The following RIGI variants were observed in gnomAD, a reference collection of about 807,000 sequenced individuals.
RIGI encodes RNA sensor RIG-I.
the RIGI span, among the ~76,000 whole-genome samples, chr9:32,513,870 A>G: frequency 3.9e-5 from 6 of 152,336 alleles, no homozygotes; most frequent in East Asian, 1.2e-3. Flanking sequence ...AGGAACTTAA[A>G]CAAATTTAAA....
chr9:32,498,982 CAAAAAA>C, the RIGI span, among the ~76,000 whole-genome samples: 6 of 97,632 alleles, frequency 6.1e-5, no homozygotes, highest in Admixed American at 3.5e-4. Context: ...GACTCTGTCT[CAAAAAA>C]AAAAAAAAAA....
At chr9:32,489,717 C>A in the RIGI span, among the ~76,000 whole-genome samples, 1 of 150,934 alleles carries the variant, frequency 6.6e-6, no homozygotes, top group Non-Finnish European at 1.5e-5. Context: ...TAACAGAAAC[C>A]AAAGAAAGAA....
At chr9:32,524,561 C>T in the RIGI span, among the ~76,000 whole-genome samples, 3 of 148,820 alleles carry the variant, frequency 2.0e-5, no homozygotes, top group East Asian at 5.8e-4. Context: ...TTAGGATTCC[C>T]AGGCCCCCTC....
At chr9:32,481,349 T>A in the RIGI span, 1 of 1,611,790 alleles carries the variant, frequency 6.2e-7, no homozygotes, top group Non-Finnish European at 8.5e-7. Flanking sequence ...CCCGCAAATG[T>A]GAAGTGTATA....
chr9:32,479,324 T>G, the RIGI span, among the ~76,000 whole-genome samples: 4 of 152,234 alleles, frequency 2.6e-5, no homozygotes, highest in South Asian at 2.1e-4. Context: ...TTTTCTCTAG[T>G]GGGTTGTTAA....
the RIGI span, chr9:32,466,487 C>T: frequency 6.7e-7 from 1 of 1,495,104 alleles, no homozygotes; most frequent in Non-Finnish European, 9.0e-7. Flanking sequence ...ACTTAAAGCT[C>T]TGATATAATC....
At chr9:32,512,968 C>T in the RIGI span, among the ~76,000 whole-genome samples, 1 of 152,070 alleles carries the variant, frequency 6.6e-6, no homozygotes, top group Non-Finnish European at 1.5e-5. Flanking sequence ...CTCCCATTCA[C>T]AATTACTACA....
chr9:32,497,207 A>G, the RIGI span, among the ~76,000 whole-genome samples: 1 of 152,040 alleles, frequency 6.6e-6, no homozygotes, highest in Non-Finnish European at 1.5e-5. Context: ...GTTATCTTTC[A>G]TTCTTTCAGC....
At chr9:32,459,263 C>A in the RIGI span, 1 of 1,281,462 alleles carries the variant, frequency 7.8e-7, no homozygotes, top group Non-Finnish European at 1.1e-6. Flanking sequence ...CAGATCATGG[C>A]CACAGTAACA....
the RIGI span, among the ~76,000 whole-genome samples, chr9:32,512,057 A>G: frequency 6.6e-6 from 1 of 152,040 alleles, no homozygotes; most frequent in Non-Finnish European, 1.5e-5. Context: ...GAAGAGACCA[A>G]TAACAAGTTG....
At chr9:32,456,144 A>C in the RIGI span, 153 of 152,334 alleles carry the variant, frequency 1.0e-3, 1 homozygote, top group African/African-American at 3.7e-3. Context: ...CATCCAAGGG[A>C]TCTGAGAACA....
chr9:32,476,252 T>TTTCC, the RIGI span, among the ~76,000 whole-genome samples: 4 of 152,204 alleles, frequency 2.6e-5, no homozygotes, highest in Middle Eastern at 6.8e-3. Flanking sequence ...TTCCAAAACT[T>TTTCC]TGAGAGGGCA....
At chr9:32,457,234 A>G in the RIGI span, 198 of 1,614,104 alleles carry the variant, frequency 1.2e-4, no homozygotes, top group East Asian at 2.5e-4. Flanking sequence ...AAAACTTTCA[A>G]TTTTTATAAC....
the RIGI span, chr9:32,491,348 T>C: frequency 6.2e-7 from 1 of 1,613,622 alleles, no homozygotes; most frequent in African/African-American, 1.3e-5. Flanking sequence ...TTCTGGATCT[T>C]CTTGGTAGAA....
chr9:32,476,342 TAAAC>T, the RIGI span, among the ~76,000 whole-genome samples: 4 of 151,818 alleles, frequency 2.6e-5, no homozygotes, highest in Non-Finnish European at 4.4e-5. Flanking sequence ...CAAAAATAAA[TAAAC>T]AAATTAGCTG....
the RIGI span, among the ~76,000 whole-genome samples, chr9:32,516,727 T>C: frequency 6.6e-6 from 1 of 152,192 alleles, no homozygotes; most frequent in Non-Finnish European, 1.5e-5. Flanking sequence ...CTCAGTATGA[T>C]ACTCTAGAGA....
chr9:32,508,875 A>G, the RIGI span, among the ~76,000 whole-genome samples: 10 of 152,294 alleles, frequency 6.6e-5, no homozygotes, highest in South Asian at 1.9e-3. Flanking sequence ...TGCCAGCACA[A>G]CAATCTGAAG....
the RIGI span, among the ~76,000 whole-genome samples, chr9:32,476,646 C>CT: frequency 0.041 from 5,703 of 138,570 alleles, 189 homozygotes; most frequent in African/African-American, 0.094. Context: ...GAGAAAACGG[C>CT]TTTTTTTTTT....
the RIGI span, among the ~76,000 whole-genome samples, chr9:32,476,753 C>T: frequency 4.8e-3 from 733 of 151,970 alleles, 5 homozygotes; most frequent in African/African-American, 0.017. Context: ...GCCTTAGCCT[C>T]CCAAGTAACT....
Sources: allele counts gnomAD v4.1 joint callset (sites outside exome capture counted in the v4.1 genomes callset), GRCh38; gene constraint gnomAD v4.1.1; transcripts MANE v1.5; gene names NCBI Gene and HGNC (gene_info 2026-07-23, HGNC 2026-07-21).